DHRS1: variants seen among roughly 807,000 people sequenced by gnomAD.
DHRS1 encodes the protein dehydrogenase/reductase SDR family member 1.
DHRS1 carries 34 observed loss-of-function variants against 35.2 expected under a neutral mutation model. The ratio of observed to expected loss-of-function variants is 0.97; its 90% CI spans 0.74 to 1.29. The LOEUF (loss-of-function observed/expected upper bound fraction) is 1.29, where lower values mean the gene tolerates loss of function less well. Among genes scored for constraint, DHRS1 ranks in the 50% most tolerant of loss-of-function variants. The pLI is 0.00. For synonymous variants in DHRS1, 133 were observed against 160.0 expected, an observed-to-expected ratio of 0.83 and a Z score of 1.27; for missense variants, 354 against 403.6, an observed-to-expected ratio of 0.88 and a Z score of 1.05.
chr14:24,292,469 A>G, intron 5 of DHRS1, 139 bp from the exon 6 acceptor site: 1 of 1,468,968 alleles, frequency 6.8e-7, no homozygotes, highest in East Asian at 2.4e-5. Context: ...CACGCTCCCC[A>G]GTGTGATGCC....
intron 4 of DHRS1, chr14:24,294,181 T>G (rs1305816760): frequency 6.6e-6 from 1 of 152,220 alleles, no homozygotes; most frequent in Non-Finnish European, 1.5e-5. Context: ...AGGCTTTTAT[T>G]AGCGTCACAC....
Position 24,290,681 on chromosome 14 carries a change from C to G in DHRS1, c.*178G>C. The G allele has an allele frequency of 1.5e-6, 1 of 649,592 alleles. No homozygotes were observed. The highest frequency in any genetic ancestry group is 2.6e-6 in the Non-Finnish European group (1 of 386,614). 40.2% of individuals were successfully genotyped at this position (649,592 alleles called of 1,614,324 possible). The stretch of plus-strand genomic sequence containing the variant: ...AAGTAAAAAGAAGGACAAGGAAAAC[C>G]AAGGCACAAAGAAGGGACCTAGGCG... On this transcript the variant is annotated 3_prime_UTR_variant, in exon 9 of 9. Transcript: ENST00000288111.
rs760809520 is a variant in DHRS1, at chr14:24,290,881, G to T, written c.920C>A (p.Ala307Asp). ...GGGTTAGAACTTGCTAGTGTAGAGG[G>T]CAATAATCCACTTGGGCACACGGAG... ...SFLRVPKWII[A>D]LYTSKF is the part of the protein sequence containing the mutation. The change falls in exon 9 of 9, where the codon GCC becomes GAC. Residue 307 changes from alanine (A) to aspartate (D), a missense_variant. Coordinates refer to ENST00000288111, the MANE Select transcript of DHRS1 (RefSeq NM_001136050.3). The T allele has an allele frequency of 3.1e-6, 5 of 1,613,774 alleles. No homozygotes were observed. In the Admixed American group the frequency reaches 8.3e-5, roughly 27 times the overall value.
At chr14:24,293,943 T>C (rs2041205308) in intron 4 of DHRS1, 1 of 152,178 alleles carries the variant, frequency 6.6e-6, no homozygotes, top group African/African-American at 2.4e-5. Flanking sequence ...TAGATACAAG[T>C]GTATGTGAGA....
At chr14:24,297,661 T>C (rs925466732) in intron 2 of DHRS1, among the ~76,000 whole-genome samples, 2 of 152,228 alleles carry the variant, frequency 1.3e-5, no homozygotes, top group African/African-American at 4.8e-5. Flanking sequence ...TCTTAGAGGA[T>C]GAAGCCTGAG....
chr14:24,291,850 A>C, intron 6 of DHRS1: 1 of 616,068 alleles, frequency 1.6e-6, no homozygotes, highest in Non-Finnish European at 2.9e-6. Flanking sequence ...GTCTTTGCTA[A>C]GTGGAAGGAT....
At chr14:24,296,975 A>C in intron 2 of DHRS1, 94 bp from the exon 3 acceptor site, 6 of 1,555,108 alleles carry the variant, frequency 3.9e-6, no homozygotes, top group Non-Finnish European at 4.4e-6. Context: ...AACTGAGAAG[A>C]CAATCAATCC....
chr14:24,293,940 A>G (rs1349796426), intron 4 of DHRS1: 1 of 152,254 alleles, frequency 6.6e-6, no homozygotes, highest in East Asian at 1.9e-4. Context: ...AATTAGATAC[A>G]AGTGTATGTG....
intron 5 of DHRS1, 32 bp downstream of exon 5, chr14:24,292,620 C>T (rs755060665): frequency 6.2e-7 from 1 of 1,614,072 alleles, no homozygotes; most frequent in African/African-American, 1.3e-5. Flanking sequence ...CTGTCTTTTA[C>T]CTCCTCAGCT....
At position 24,292,344 on chromosome 14, in the gene DHRS1, G is replaced by C; in HGVS notation, c.508-14C>G. On this transcript the variant is annotated splice_polypyrimidine_tract_variant and intron_variant, in intron 5 of 8. Coordinates refer to ENST00000288111, the MANE Select transcript of DHRS1 (RefSeq NM_001136050.3). Reference sequence around the variant, plus strand: ...CAGCTTGTCACACTGTGGAGAGGCGGAAGGCAGGGTAAGAGCCACCTAGCC... The same window carrying C: ...CAGCTTGTCACACTGTGGAGAGGCGCAAGGCAGGGTAAGAGCCACCTAGCC... 6.2e-7 allele frequency: 1 copy of C among 1,613,620 alleles called. No individual in the cohort carries two copies. Among genetic ancestry groups the C allele is most frequent in the Non-Finnish European group, 8.5e-7 (1 of 1,180,020 alleles).
intron 4 of DHRS1, chr14:24,294,227 G>A (rs1466695881): frequency 2.0e-5 from 3 of 152,064 alleles, no homozygotes; most frequent in Admixed American, 1.3e-4. Flanking sequence ...CAGATTTGAC[G>A]TAAAATTAAG....
chr14:24,291,389 A>C, intron 7 of DHRS1, 167 bp downstream of exon 7: 1 of 1,035,964 alleles, frequency 9.7e-7, no homozygotes, highest in Non-Finnish European at 1.5e-6. Context: ...CCTGCTCCTA[A>C]GGCTCTCAGA....
rs771813534 is a variant in DHRS1 at position 24,292,767 on chromosome 14, G to A, written c.392C>T (p.Ser131Leu). The A allele has an allele frequency of 5.0e-6, 8 of 1,612,464 alleles. No homozygotes were observed. Among genetic ancestry groups the A allele is most frequent in the Non-Finnish European group, 6.8e-6 (8 of 1,179,438 alleles). The change falls in exon 5 of 9, where the codon TCA becomes TTA. Residue 131 changes from serine (S) to leucine (L), a missense_variant. Physicochemically the swap from Ser to Leu is moderately radical, Grantham distance 145. Transcript: ENST00000288111. ...TACCATCAGCCGTGCCCCATACACTGAGCAAAAGTAGTGGCCTCTAGAAGG... is the reference window on the plus strand; with the variant it reads ...TACCATCAGCCGTGCCCCATACACTAAGCAAAAGTAGTGGCCTCTAGAAGG... ...NVGLRGHYFC[S>L]VYGARLMVPA...
At position 24,299,776 on chromosome 14, in the gene DHRS1, G is replaced by C. The variant is rs1246564308; in HGVS notation, c.-220C>G. On this transcript the variant is annotated 5_prime_UTR_variant, in exon 1 of 9. The change creates a new upstream start codon in the 5' untranslated region. Coordinates refer to ENST00000288111, the MANE Select transcript of DHRS1 (RefSeq NM_001136050.3). ...TAGAACCTGCGGATGGGGGCGGAGC[G>C]ATCTGGGTGACACACCCACCCCGCC... The C allele has an allele frequency of 2.8e-6, 2 of 714,414 alleles. No homozygotes were observed. Among genetic ancestry groups the C allele is most frequent in the Non-Finnish European group, 4.4e-6 (2 of 455,754 alleles). 44.3% of individuals were successfully genotyped at this position (714,414 alleles called of 1,614,324 possible).
In DHRS1 at chr14:24,299,692, G is replaced by C. The variant is rs1275760338; in HGVS notation, c.-136C>G. 1.8e-5 allele frequency: 8 copies of C among 450,146 alleles called. No individual in the cohort carries two copies. The highest frequency in any genetic ancestry group is 3.2e-5 in the Non-Finnish European group (8 of 253,670). 27.9% of individuals were successfully genotyped at this position (450,146 alleles called of 1,614,324 possible). Reference sequence around the variant, plus strand: ...GAGGCAGTGTTCAAGGATTGATTCTGTAGTAGGACCCGGGGCGATTCTGTG... The same window carrying C: ...GAGGCAGTGTTCAAGGATTGATTCTCTAGTAGGACCCGGGGCGATTCTGTG... On this transcript the variant is annotated 5_prime_UTR_variant, in exon 1 of 9. Coordinates refer to ENST00000288111, the MANE Select transcript of DHRS1 (RefSeq NM_001136050.3).
Position 24,296,847 on chromosome 14 carries a change from A to G in DHRS1, c.185T>C (p.Val62Ala), listed in dbSNP as rs1566405067. ...TTCACTCTCCTGGCTTGAATCGCAC[A>G]CCACAGGCACACATTGGCCCCCGAG... ...QSLGGQCVPVVCDSSQESEVR... is the reference protein window; with the variant it reads ...QSLGGQCVPVACDSSQESEVR... Residue 62 changes from valine (V) to alanine (A), a missense_variant, in exon 3 of 9, where the codon GTG becomes GCG. Transcript: ENST00000288111. 1 of 1,614,224 alleles carries G rather than the reference A, an allele frequency of 6.2e-7. No individual in the cohort carries two copies. The highest frequency in any genetic ancestry group is 1.3e-5 in the African/African-American group (1 of 75,054).
Position 24,299,651 on chromosome 14 carries a change from T to G in DHRS1, c.-95A>C. 1 of 340,974 alleles carries G rather than the reference T, an allele frequency of 2.9e-6. No homozygotes were observed. The highest frequency in any genetic ancestry group is 5.4e-6 in the Non-Finnish European group (1 of 186,306). 21.1% of individuals were successfully genotyped at this position (340,974 alleles called of 1,614,324 possible). A position where few individuals can be genotyped will look rare whatever the true frequency, so the allele number is the denominator to read the frequency against. On this transcript the variant is annotated 5_prime_UTR_variant, in exon 1 of 9. Transcript: ENST00000288111. ...GTGGAAGTCTGGGTTCTCGCCCAGA[T>G]TGAGCCGGCGACGTGGAGGCAGTGT...
At position 24,291,165 on chromosome 14, in the gene DHRS1, C is replaced by T. The variant is rs756913740; in HGVS notation, c.779G>A (p.Arg260Gln). Residue 260 changes from arginine (R) to glutamine (Q), a missense_variant, in exon 8 of 9, where the codon CGA becomes CAA. By Grantham distance (43) the Arg-to-Gln change is conservative. Transcript: ENST00000288111. ...GTCCACATCCCGAAGGCCATAGCGT[C>T]GAGCAAGGTCACAGGATGGCAGCAC... The part of the protein sequence containing the change: ...GKVLPSCDLA[R>Q]RYGLRDVDGR... 1.4e-5 allele frequency: 23 copies of T among 1,614,144 alleles called. No individual in the cohort carries two copies. Among genetic ancestry groups the T allele is most frequent in the African/African-American group, 2.7e-5 (2 of 75,036 alleles).
At chr14:24,292,543 C>G in intron 5 of DHRS1, 109 bp downstream of exon 5, 1 of 1,585,794 alleles carries the variant, frequency 6.3e-7, no homozygotes, top group South Asian at 1.1e-5. Flanking sequence ...AGAGGAGGAG[C>G]TGAGAGGAGC....
Sources: allele counts gnomAD v4.1 joint callset (sites outside exome capture counted in the v4.1 genomes callset), GRCh38; gene constraint gnomAD v4.1.1; transcripts MANE v1.5; gene names NCBI Gene and HGNC (gene_info 2026-07-23, HGNC 2026-07-21).